Variants in CNTN5 observed in about 807,000 individuals in gnomAD.
CNTN5 encodes the protein contactin 5, also known as contactin-5.
Under a neutral mutation model 129.1 loss-of-function variants are expected in CNTN5, and 77 were observed. That is an observed-to-expected ratio of 0.60 (90% CI 0.50 to 0.72). CNTN5 has a LOEUF of 0.72. CNTN5 is among the 30% of genes least tolerant of loss of function. The pLI, the probability that CNTN5 is intolerant of heterozygous loss-of-function variation, is 0.00. For synonymous variants in CNTN5, 509 were observed against 465.6 expected, an observed-to-expected ratio of 1.09 and a Z score of -1.20; for missense variants, 1,478 against 1,328.8, an observed-to-expected ratio of 1.11 and a Z score of -1.75.
chr11:100,118,951 A>G (rs896489862), intron 13 of CNTN5, among the ~76,000 whole-genome samples: 4 of 151,742 alleles, frequency 2.6e-5, no homozygotes, highest in African/African-American at 9.7e-5. Context: ...TGTATCTGGC[A>G]TTTTAAATTT....
chr11:100,102,525 T>C (rs1945260560), intron 13 of CNTN5, among the ~76,000 whole-genome samples: 1 of 151,928 alleles, frequency 6.6e-6, no homozygotes, highest in South Asian at 2.1e-4. Context: ...GAGAATGTCC[T>C]GAAAATACAG....
At chr11:100,172,251 T>C (rs980690964) in intron 13 of CNTN5, among the ~76,000 whole-genome samples, 8 of 151,128 alleles carry the variant, frequency 5.3e-5, no homozygotes, top group African/African-American at 1.9e-4. Context: ...AGAGATCTCA[T>C]CATGAACCTT....
chr11:100,137,225 G>A (rs1348461490), intron 13 of CNTN5, among the ~76,000 whole-genome samples: 1 of 151,984 alleles, frequency 6.6e-6, no homozygotes, highest in Non-Finnish European at 1.5e-5. Context: ...AAAATAAAAT[G>A]TAAATATCAA....
At chr11:99,863,273 A>G (rs748188556) in intron 6 of CNTN5, among the ~76,000 whole-genome samples, 8 of 152,162 alleles carry the variant, frequency 5.3e-5, no homozygotes, top group African/African-American at 1.7e-4. Context: ...GACAAAGTCA[A>G]TGAGAGATAA....
intron 9 of CNTN5, among the ~76,000 whole-genome samples, chr11:100,047,837 A>G: frequency 9.8e-6 from 1 of 101,810 alleles, no homozygotes; most frequent in South Asian, 3.5e-4. Context: ...TAGAATTTTT[A>G]TAAAGAAAAA....
At chr11:99,952,138 A>G (rs4268471) in intron 7 of CNTN5, among the ~76,000 whole-genome samples, 1 of 152,108 alleles carries the variant, frequency 6.6e-6, no homozygotes, top group African/African-American at 2.4e-5. Flanking sequence ...GTTGTCCCTC[A>G]TGCTCAGTAG....
chr11:100,081,911 T>G lies in CNTN5; in HGVS notation c.1580+7617T>G, dbSNP rs187380711. Among the ~76,000 whole-genome samples, 45 of 152,268 alleles carry G rather than the reference T, an allele frequency of 3.0e-4. 1 individual carries two copies. Among genetic ancestry groups the G allele is most frequent in the Admixed American group, 2.6e-3 (39 of 15,272 alleles). On this transcript the variant is annotated intron_variant, in intron 13 of 24. Transcript: ENST00000524871. ...AGATTAATATTTGGGGAACAGATTCTGGAGCACTGAGAGAAAAAAGAGACA... is the reference window on the plus strand; with the variant it reads ...AGATTAATATTTGGGGAACAGATTCGGGAGCACTGAGAGAAAAAAGAGACA...
chr11:100,184,775 A>G (rs926112220), intron 13 of CNTN5, among the ~76,000 whole-genome samples: 1 of 152,200 alleles, frequency 6.6e-6, no homozygotes, highest in Non-Finnish European at 1.5e-5. Flanking sequence ...AAGTGCTTAC[A>G]TATGATATAT....
chr11:100,011,727 T>C (rs1940544926), intron 9 of CNTN5, among the ~76,000 whole-genome samples: 1 of 152,098 alleles, frequency 6.6e-6, no homozygotes, highest in Admixed American at 6.6e-5. Flanking sequence ...TATTAAGTAT[T>C]TTTTTCTCTT....
intron 3 of CNTN5, among the ~76,000 whole-genome samples, chr11:99,730,989 C>T (rs35267661): frequency 0.038 from 5,821 of 152,256 alleles, 216 homozygotes; most frequent in East Asian, 0.2. Flanking sequence ...GTTGTACTCT[C>T]TACCTCCATG....
intron 3 of CNTN5, among the ~76,000 whole-genome samples, chr11:99,719,630 G>T (rs1490743517): frequency 6.6e-6 from 1 of 151,828 alleles, no homozygotes; most frequent in Admixed American, 6.6e-5. Flanking sequence ...ACAACTGAAA[G>T]AATTAGAGAT....
chr11:100,273,630 G>T lies in CNTN5; in HGVS notation c.2314+2389G>T, dbSNP rs138579377. Among the ~76,000 whole-genome samples the T allele has an allele frequency of 3.9e-3, 591 of 152,246 alleles. 2 individuals carry two copies. The highest frequency in any genetic ancestry group is 6.1e-3 in the Non-Finnish European group (416 of 68,010). On this transcript the variant is annotated intron_variant, in intron 18 of 24. Transcript: ENST00000524871. The stretch of plus-strand genomic sequence containing the variant: ...GCCAACACCACCTCCAGTGCAAGCA[G>T]GCACACAGTTGTCATCAGGCACCCG...
chr11:99,344,549 T>C (rs1591549604), intron 2 of CNTN5, among the ~76,000 whole-genome samples: 2 of 152,208 alleles, frequency 1.3e-5, no homozygotes, highest in Admixed American at 1.3e-4. Context: ...AATTTTTTAG[T>C]TCACCACTTT....
At chr11:99,828,474 G>A (rs1389172514) in intron 4 of CNTN5, among the ~76,000 whole-genome samples, 1 of 152,156 alleles carries the variant, frequency 6.6e-6, no homozygotes, top group East Asian at 1.9e-4. Context: ...AATGGATAAT[G>A]CAATTGCAAC....
At chr11:100,298,575 CCACATTGACTGGTCAATCA>C (rs1237682046) in intron 19 of CNTN5, among the ~76,000 whole-genome samples, 12 of 151,196 alleles carry the variant, frequency 7.9e-5, no homozygotes, top group South Asian at 2.1e-4. Context: ...GGTAACTTTT[CCACATTGACTGGTCAATCA>C]CAATTACTCC....
intron 13 of CNTN5, among the ~76,000 whole-genome samples, chr11:100,176,436 C>A (rs532633413): frequency 6.6e-6 from 1 of 151,688 alleles, no homozygotes; most frequent in African/African-American, 2.4e-5. Flanking sequence ...TTTAAGGTCT[C>A]AAATTTTTAT....
chr11:99,745,605 A>C (rs2015623), intron 3 of CNTN5, among the ~76,000 whole-genome samples: 91,293 of 151,996 alleles, frequency 0.6, 27,729 homozygotes, highest in East Asian at 0.84. Flanking sequence ...AGATGCAAAA[A>C]ATGATGATTG....
At chr11:99,389,372 G>A (rs1009927945) in intron 2 of CNTN5, among the ~76,000 whole-genome samples, 3 of 152,030 alleles carry the variant, frequency 2.0e-5, no homozygotes, top group African/African-American at 7.2e-5. Context: ...TTTTAAATGG[G>A]ATATGCAATG....
At chr11:99,298,583 G>T (rs1010722936) in intron 1 of CNTN5, among the ~76,000 whole-genome samples, 1 of 152,062 alleles carries the variant, frequency 6.6e-6, no homozygotes. Context: ...GCCATATTTA[G>T]TTTGTTTTAA....
Sources: allele counts gnomAD v4.1 joint callset (sites outside exome capture counted in the v4.1 genomes callset), GRCh38; gene constraint gnomAD v4.1.1; transcripts MANE v1.5; gene names NCBI Gene and HGNC (gene_info 2026-07-23, HGNC 2026-07-21).